VAV1: variants seen among roughly 807,000 people sequenced by gnomAD.
The protein encoded by VAV1 is vav guanine nucleotide exchange factor 1.
A neutral mutation model predicts 128.1 loss-of-function variants in VAV1; 33 were observed. That is an observed-to-expected ratio of 0.26 (90% CI 0.20 to 0.34). VAV1 has a LOEUF of 0.34. VAV1 is among the 10% of genes least tolerant of loss of function. VAV1 has a pLI of 1.00. For synonymous variants in VAV1, 394 were observed against 409.8 expected (o/e 0.96, Z 0.47); for missense variants, 715 against 1,093.7 (o/e 0.65, Z 4.88).
intron 1 of VAV1, among the ~76,000 whole-genome samples, chr19:6,817,704 T>A (rs1338455181): frequency 2.0e-5 from 3 of 151,768 alleles, no homozygotes; most frequent in African/African-American, 7.2e-5. Context: ...ATTTATTTTC[T>A]GAGATGGGGT....
chr19:6,820,148 G>A lies in VAV1; in HGVS notation c.205-554G>A, dbSNP rs537572052. 1.3e-5 allele frequency among the ~76,000 whole-genome samples: 2 copies of A among 152,252 alleles called. No homozygotes were observed. The highest frequency in any genetic ancestry group is 2.1e-4 in the South Asian group (1 of 4,818). On this transcript the variant is annotated intron_variant, in intron 1 of 26. Coordinates refer to ENST00000602142, the MANE Select transcript of VAV1 (RefSeq NM_005428.4). The surrounding 1 kb of genome is among the most constrained non-coding windows in gnomAD (Gnocchi z 4.4). Reference sequence around the variant, plus strand: ...AGCCTGGGCAACATAGCGAGACCTCGTCTCTACAAAAAATACAGAAATTAG... The same window carrying A: ...AGCCTGGGCAACATAGCGAGACCTCATCTCTACAAAAAATACAGAAATTAG...
rs116014339 is a variant in VAV1 at position 6,818,013 on chromosome 19, C to A, written c.205-2689C>A. ...AAATTTGTTTTTGTAGAAATGGGAT[C>A]TCATTATGTGGCCCCAGGCTGATTT... On this transcript the variant is annotated intron_variant, in intron 1 of 26. Coordinates refer to ENST00000602142, the MANE Select transcript of VAV1 (RefSeq NM_005428.4). 8.2e-3 allele frequency among the ~76,000 whole-genome samples: 1,253 copies of A among 152,156 alleles called. 12 individuals are homozygous for A. Among genetic ancestry groups the A allele is most frequent in the African/African-American group, 0.029 (1,207 of 41,522 alleles).
chr19:6,784,982 C>A (rs1970855367), intron 1 of VAV1, among the ~76,000 whole-genome samples: 1 of 152,196 alleles, frequency 6.6e-6, no homozygotes, highest in African/African-American at 2.4e-5. Context: ...TGCATTTGGC[C>A]TCTGTCCATC....
At chr19:6,791,560 C>T (rs533248236) in intron 1 of VAV1, among the ~76,000 whole-genome samples, 5 of 152,322 alleles carry the variant, frequency 3.3e-5, no homozygotes, top group East Asian at 1.9e-4. Context: ...CCTGAGACAT[C>T]GCCCCATCTC....
chr19:6,838,390 TCTATCCATC>T (rs978902791), intron 21 of VAV1, among the ~76,000 whole-genome samples: 13 of 111,572 alleles, frequency 1.2e-4, no homozygotes, highest in Non-Finnish European at 2.3e-4. Context: ...AATCAGTTCT[TCTATCCATC>T]CATCCATCCA....
At chr19:6,791,845 G>A (rs1427593705) in intron 1 of VAV1, among the ~76,000 whole-genome samples, 1 of 152,204 alleles carries the variant, frequency 6.6e-6, no homozygotes, top group African/African-American at 2.4e-5. Context: ...GCTCTGGGAA[G>A]CATGAGGCAG....
chr19:6,856,170 G>A (rs1250551684), intron 26 of VAV1, among the ~76,000 whole-genome samples: 3 of 152,086 alleles, frequency 2.0e-5, no homozygotes, highest in African/African-American at 4.8e-5. Context: ...TGTGGCGTGC[G>A]CCTCTAATCC....
At chr19:6,804,787 A>G (rs1190112301) in intron 1 of VAV1, among the ~76,000 whole-genome samples, 2 of 146,726 alleles carry the variant, frequency 1.4e-5, no homozygotes, top group Non-Finnish European at 3.0e-5. Context: ...GCAGTGGCGC[A>G]ATCTTGGCTC....
At position 6,833,921 on chromosome 19, in the gene VAV1, G is replaced by A. The variant is rs140267055; in HGVS notation, c.1745G>A (p.Arg582His). Residue 582 changes from arginine to histidine, a missense_variant, in exon 19 of 27, where the codon CGC becomes CAC. Physicochemically the swap from Arg to His is conservative, Grantham distance 29 (BLOSUM62 0). Around this residue, in one of 3 missense-constraint regions of VAV1, gnomAD observed 407 missense variants for 580.6 expected, o/e 0.70. Coordinates refer to ENST00000602142, the MANE Select transcript of VAV1 (RefSeq NM_005428.4). Reference protein sequence around the residue: ...PGTMKKDKLHRRAQDKKRNEL... With the variant: ...PGTMKKDKLHHRAQDKKRNEL... ...TTCTCCTTCCAGGACAAACTACATC[G>A]CAGGGCTCAGGACAAAAAGAGGAAT... The A allele has an allele frequency of 8.1e-6, 13 of 1,614,016 alleles. No individual in the cohort carries two copies. The highest frequency in any genetic ancestry group is 1.7e-4 in the Middle Eastern group (1 of 6,048).
chr19:6,821,675 G>A lies in VAV1; in HGVS notation c.375G>A (p.Gly125=). The A allele has an allele frequency of 3.7e-6, 6 of 1,614,150 alleles. No individual in the cohort carries two copies. Among genetic ancestry groups the A allele is most frequent in the Non-Finnish European group, 5.1e-6 (6 of 1,180,004 alleles). ...LSWTPIAQNR[G]IMPFPTEEES... ...GGACCCCGATCGCCCAGAACAGGGG[G>A]ATCATGTGAGTAACCACCTGGGCCT... Residue 125 remains glycine (G), a synonymous_variant, in exon 3 of 27, where the codon GGG becomes GGA. Coordinates refer to ENST00000602142, the MANE Select transcript of VAV1 (RefSeq NM_005428.4).
chr19:6,828,828 C>G lies in VAV1; in HGVS notation c.1193C>G (p.Ala398Gly). Residue 398 changes from alanine (A) to glycine (G), a missense_variant, in exon 13 of 27, where the codon GCT becomes GGT. By Grantham distance (60) the Ala-to-Gly change is moderately conservative. Coordinates refer to ENST00000602142, the MANE Select transcript of VAV1 (RefSeq NM_005428.4). This position sits in a 1 kb window ranked among gnomAD's most constrained non-coding sequence, Gnocchi z 4.5. ...LSIENLDQSL[A>G]HYGRPKIDGE... ...CCTACTGCATAGGACCAGTCTCTGG[C>G]TCACTATGGCCGGCCCAAGATCGAC... The G allele has an allele frequency of 6.2e-7, 1 of 1,614,200 alleles. No homozygotes were observed. The highest frequency in any genetic ancestry group is 8.5e-7 in the Non-Finnish European group (1 of 1,180,038).
chr19:6,776,353 T>TATCC (rs371099055), intron 1 of VAV1, among the ~76,000 whole-genome samples: 1,192 of 72,728 alleles, frequency 0.016, 11 homozygotes, highest in East Asian at 0.08. Context: ...TCCACTCATC[T>TATCC]ATCCATCCAT....
intron 1 of VAV1, among the ~76,000 whole-genome samples, chr19:6,798,883 CCCT>C (rs1718239226): frequency 6.6e-6 from 1 of 151,952 alleles, no homozygotes; most frequent in African/African-American, 2.4e-5. Flanking sequence ...TATCCATTGC[CCCT>C]CAAAGTTTCC....
chr19:6,784,038 G>A (rs1007683162), intron 1 of VAV1: 2 of 402,652 alleles, frequency 5.0e-6, no homozygotes, highest in African/African-American at 4.1e-5. Flanking sequence ...AGGATTGCTT[G>A]AGGCTAGGAA....
chr19:6,807,341 G>C (rs1971416399), intron 1 of VAV1, among the ~76,000 whole-genome samples: 1 of 151,746 alleles, frequency 6.6e-6, no homozygotes, highest in South Asian at 2.1e-4. Flanking sequence ...CAGATCATCA[G>C]GCACCAGATT....
intron 24 of VAV1, 92 bp downstream of exon 24, chr19:6,850,849 A>G (rs1466681219): frequency 5.4e-6 from 7 of 1,294,996 alleles, no homozygotes; most frequent in Non-Finnish European, 7.7e-6. Context: ...TCCCACATTC[A>G]GGGTGACCCC....
At chr19:6,848,907 G>C (rs1359576751) in intron 23 of VAV1, among the ~76,000 whole-genome samples, 1 of 150,326 alleles carries the variant, frequency 6.7e-6, no homozygotes, top group Non-Finnish European at 1.5e-5. Flanking sequence ...GACCCTCCTA[G>C]CTCAGCCTCC....
rs766167606 is a variant in VAV1 at position 6,833,256 on chromosome 19, A to G, written c.1581A>G (p.Thr527=). The G allele has an allele frequency of 5.6e-6, 9 of 1,613,268 alleles. No individual in the cohort carries two copies. Among genetic ancestry groups the G allele is most frequent in the Non-Finnish European group, 7.6e-6 (9 of 1,179,818 alleles). The part of the protein sequence containing the change: ...DFQMFSFEET[T]SCKACQMLLR... ...AGATGTTCTCCTTTGAGGAGACCAC[A>G]TCCTGCAAGGCCTGTCAGATGCTGC... Residue 527 remains threonine (T), a synonymous_variant, in exon 16 of 27, where the codon ACA becomes ACG. Transcript: ENST00000602142.
chr19:6,841,478 C>CTTT (rs35484934), intron 21 of VAV1, among the ~76,000 whole-genome samples: 26 of 135,628 alleles, frequency 1.9e-4, no homozygotes, highest in African/African-American at 6.6e-4. Flanking sequence ...TTTTTCTTTT[C>CTTT]TTTTTTTTTT....
Sources: allele counts gnomAD v4.1 joint callset (sites outside exome capture counted in the v4.1 genomes callset), GRCh38; gene constraint gnomAD v4.1.1; regional missense constraint gnomAD v4.1.1; non-coding constraint Gnocchi (gnomAD v3.1); transcripts MANE v1.5; gene names NCBI Gene and HGNC (gene_info 2026-07-23, HGNC 2026-07-21).